The following CEP164 variants were observed in gnomAD, a reference collection of about 807,000 sequenced individuals.
CEP164 encodes the protein centrosomal protein 164, also known as centrosomal protein of 164 kDa.
CEP164 carries 162 observed loss-of-function variants against 182.7 expected under a neutral mutation model. That is an observed-to-expected ratio of 0.89 (90% CI 0.78 to 1.01). The LOEUF (loss-of-function observed/expected upper bound fraction) is 1.01, where lower values mean the gene tolerates loss of function less well. CEP164 is among the 50% of genes least tolerant of loss of function. The pLI, the probability that CEP164 is intolerant of heterozygous loss-of-function variation, is 0.00. For synonymous variants in CEP164, 661 were observed against 690.0 expected, an observed-to-expected ratio of 0.96 and a Z score of 0.66; for missense variants, 1,735 against 1,790.4, an observed-to-expected ratio of 0.97 and a Z score of 0.56.
chr11:117,346,625 A>G (rs1003789567), intron 4 of CEP164, among the ~76,000 whole-genome samples: 4 of 150,856 alleles, frequency 2.7e-5, no homozygotes, highest in Admixed American at 6.6e-5. Flanking sequence ...GCACTTTGGG[A>G]GGCCGAGTTT....
At chr11:117,362,960 A>G (rs1393763483) in intron 7 of CEP164, among the ~76,000 whole-genome samples, 1 of 152,216 alleles carries the variant, frequency 6.6e-6, no homozygotes, top group Admixed American at 6.5e-5. Flanking sequence ...TAATGTTTCA[A>G]GCTTCATCTA....
At chr11:117,336,324 C>CA in intron 2 of CEP164, 1 of 1,489,242 alleles carries the variant, frequency 6.7e-7, no homozygotes, top group East Asian at 2.3e-5. Flanking sequence ...TGTCCGCTGT[C>CA]ACTGCTGGTC....
chr11:117,359,282 G>A (rs554932275), intron 5 of CEP164, among the ~76,000 whole-genome samples: 22 of 152,316 alleles, frequency 1.4e-4, no homozygotes, highest in African/African-American at 4.3e-4. Context: ...CCGTTTGCTC[G>A]TATGGGGACT....
chr11:117,391,226 C>A lies in CEP164; in HGVS notation c.2283+11C>A. 6.3e-7 allele frequency: 1 copy of A among 1,597,120 alleles called. No individual in the cohort carries two copies. Among genetic ancestry groups the A allele is most frequent in the South Asian group, 1.1e-5 (1 of 88,836 alleles). ...GGGGAGAGGAAAGAAGTGAGCTAGTCAAGTGGGGACCTCACCCTCTGACCT... is the reference window on the plus strand; with the variant it reads ...GGGGAGAGGAAAGAAGTGAGCTAGTAAAGTGGGGACCTCACCCTCTGACCT... On this transcript the variant is annotated intron_variant, in intron 17 of 32. Coordinates refer to ENST00000278935, the MANE Select transcript of CEP164 (RefSeq NM_014956.5).
chr11:117,379,134 A>G (rs746656707), intron 11 of CEP164, among the ~76,000 whole-genome samples: 12 of 152,310 alleles, frequency 7.9e-5, no homozygotes, highest in African/African-American at 2.6e-4. Flanking sequence ...GTGCCCTGCC[A>G]TTGTCTGCAG....
intron 5 of CEP164, among the ~76,000 whole-genome samples, chr11:117,357,216 C>T (rs941206415): frequency 6.0e-5 from 9 of 150,574 alleles, no homozygotes; most frequent in African/African-American, 2.0e-4. Context: ...AAGTGATTTT[C>T]GTGCCTCAGC....
chr11:117,411,579 C>A lies in CEP164; in HGVS notation c.4164-216C>A, dbSNP rs1654913690. On this transcript the variant is annotated intron_variant, in intron 31 of 32. Coordinates refer to ENST00000278935, the MANE Select transcript of CEP164 (RefSeq NM_014956.5). The surrounding 1 kb of genome is among the most constrained non-coding windows in gnomAD (Gnocchi z 4.4). ...CCCAGAGCCTTGTATCAGTAGCACC[C>A]AGCAAGGGGGCAGAGGGCCTCCACC... 2 of 547,998 alleles carry A rather than the reference C, an allele frequency of 3.6e-6. No homozygotes were observed. Among genetic ancestry groups the A allele is most frequent in the Non-Finnish European group, 6.3e-6 (2 of 317,608 alleles). 33.9% of individuals were successfully genotyped at this position (547,998 alleles called of 1,614,324 possible). A position where few individuals can be genotyped will look rare whatever the true frequency, so the allele number is the denominator to read the frequency against.
intron 11 of CEP164, among the ~76,000 whole-genome samples, chr11:117,377,559 C>T (rs977804210): frequency 1.3e-5 from 2 of 152,178 alleles, no homozygotes; most frequent in African/African-American, 2.4e-5. Context: ...AGAGCAGCAG[C>T]CCCTTCATGG....
At chr11:117,373,593 C>T (rs773981704) in intron 9 of CEP164, among the ~76,000 whole-genome samples, 158 bp from the exon 10 acceptor site, 46 of 152,182 alleles carry the variant, frequency 3.0e-4, no homozygotes, top group Non-Finnish European at 5.9e-4. Context: ...GAGAGAATGG[C>T]GGGGTCCACA....
At chr11:117,322,767 T>A (rs550876250) in intron 1 of CEP164, among the ~76,000 whole-genome samples, 100 of 139,752 alleles carry the variant, frequency 7.2e-4, no homozygotes, top group African/African-American at 2.5e-3. Context: ...ATTTTTTTTT[T>A]TTTTTTTTTT....
chr11:117,382,874 G>C lies in CEP164; in HGVS notation c.1656G>C (p.Gly552=). Residue 552 remains glycine (G), a synonymous_variant, in exon 14 of 33, where the codon GGG becomes GGC. Coordinates refer to ENST00000278935, the MANE Select transcript of CEP164 (RefSeq NM_014956.5). The part of the protein sequence containing the change: ...QHSQAEELGP[G]QEEAEDPEEK... ...CCCAGGCCGAGGAGCTGGGCCCTGGGCAGGAAGAGGCAGAGGATCCTGAGG... is the reference window on the plus strand; with the variant it reads ...CCCAGGCCGAGGAGCTGGGCCCTGGCCAGGAAGAGGCAGAGGATCCTGAGG... The C allele has an allele frequency of 6.2e-7, 1 of 1,614,022 alleles. No individual in the cohort carries two copies. The highest frequency in any genetic ancestry group is 8.5e-7 in the Non-Finnish European group (1 of 1,180,010).
In CEP164 at chr11:117,373,931, G is replaced by A. The variant is rs12418615; in HGVS notation, c.1233+100G>A. 860 of 964,312 alleles carry A rather than the reference G, an allele frequency of 8.9e-4. 5 individuals are homozygous for A. In the Admixed American group the frequency reaches 0.011, roughly 12 times the overall value. The allele number at this position is 964,312 out of a possible 1,614,324, so 59.7% of individuals were successfully genotyped here. ...CCTAGCATCACGCAGCTTATAAGTG[G>A]GAGAATTTCGAACTCATGCTTGAGT... is the stretch of plus-strand genomic sequence containing the variant. On this transcript the variant is annotated intron_variant, in intron 10 of 32. Coordinates refer to ENST00000278935, the MANE Select transcript of CEP164 (RefSeq NM_014956.5).
chr11:117,386,951 G>C (rs1197832575), intron 14 of CEP164: 1 of 484,588 alleles, frequency 2.1e-6, no homozygotes, highest in African/African-American at 1.9e-5. Context: ...AACCTCGTAA[G>C]TCTGCTGAGA....
intron 8 of CEP164, among the ~76,000 whole-genome samples, chr11:117,368,646 C>A (rs1281379703): frequency 6.6e-6 from 1 of 152,142 alleles, no homozygotes; most frequent in Non-Finnish European, 1.5e-5. Context: ...TGGCCCGGCA[C>A]CCTTTGCCCA....
chr11:117,329,445 T>C (rs560988940), intron 1 of CEP164, among the ~76,000 whole-genome samples: 2 of 152,326 alleles, frequency 1.3e-5, no homozygotes, highest in South Asian at 2.1e-4. Flanking sequence ...TCTGGTCATG[T>C]CAGAATGGTT....
At chr11:117,361,777 G>A (rs2041006860) in intron 5 of CEP164, 58 bp from the exon 6 acceptor site, 4 of 1,587,308 alleles carry the variant, frequency 2.5e-6, no homozygotes, top group African/African-American at 1.3e-5. Flanking sequence ...ATCTGTCTCC[G>A]ACACTCCCAG....
At chr11:117,324,255 T>G (rs1261547328), upstream of CEP164, among the ~76,000 whole-genome samples, 1 of 152,076 alleles carries the variant, frequency 6.6e-6, no homozygotes, top group South Asian at 2.1e-4. Context: ...AAGACCAGCC[T>G]GGCCAACATG....
At chr11:117,364,122 C>T (rs1342247208) in intron 8 of CEP164, 1 of 152,076 alleles carries the variant, frequency 6.6e-6, no homozygotes, top group East Asian at 1.9e-4. Context: ...TGTTTAGTGT[C>T]CAGTGTATTC....
At chr11:117,366,610 G>A (rs1394080011) in intron 8 of CEP164, among the ~76,000 whole-genome samples, 1 of 152,216 alleles carries the variant, frequency 6.6e-6, no homozygotes. Context: ...CCTGGGCTTA[G>A]AAATAACAGG....
Sources: allele counts gnomAD v4.1 joint callset (sites outside exome capture counted in the v4.1 genomes callset), GRCh38; gene constraint gnomAD v4.1.1; non-coding constraint Gnocchi (gnomAD v3.1); transcripts MANE v1.5; gene names NCBI Gene and HGNC (gene_info 2026-07-23, HGNC 2026-07-21).